GRIA4: variants seen among roughly 807,000 people sequenced by gnomAD.
The protein encoded by GRIA4 is glutamate ionotropic receptor AMPA type subunit 4.
GRIA4 carries 34 observed loss-of-function variants against 104.0 expected under a neutral mutation model. That is an observed-to-expected ratio of 0.33 (90% CI 0.25 to 0.44). GRIA4 has a LOEUF of 0.44. Ranked by LOEUF, GRIA4 falls within the 20% of genes least tolerant of loss-of-function variation. The pLI, the probability that GRIA4 is intolerant of heterozygous loss-of-function variation, is 1.00. For synonymous variants in GRIA4, 386 were observed against 381.9 expected, an observed-to-expected ratio of 1.01 and a Z score of -0.13; for missense variants, 750 against 1,096.5, an observed-to-expected ratio of 0.68 and a Z score of 4.46.
intron 3 of GRIA4, among the ~76,000 whole-genome samples, chr11:105,710,231 G>A (rs1277449770): frequency 6.6e-6 from 1 of 152,064 alleles, no homozygotes; most frequent in Non-Finnish European, 1.5e-5. Context: ...CCTGGGGTCA[G>A]GGTGTGAGAA....
intron 3 of GRIA4, among the ~76,000 whole-genome samples, chr11:105,682,783 T>C (rs966752781): frequency 6.6e-6 from 1 of 152,170 alleles, no homozygotes; most frequent in Non-Finnish European, 1.5e-5. Context: ...CCAATACTAA[T>C]CTCTAGGAAA....
At chr11:105,710,240 A>C (rs2135546636) in intron 3 of GRIA4, among the ~76,000 whole-genome samples, 1 of 152,152 alleles carries the variant, frequency 6.6e-6, no homozygotes, top group Middle Eastern at 3.4e-3. Flanking sequence ...AGGGTGTGAG[A>C]AGTTCTGTTC....
chr11:105,823,398 G>A (rs2135909145), intron 4 of GRIA4, among the ~76,000 whole-genome samples: 1 of 152,094 alleles, frequency 6.6e-6, no homozygotes, highest in South Asian at 2.1e-4. Context: ...AAAACATAAG[G>A]TAATAAGTCA....
chr11:105,751,895 A>G (rs1290124984), intron 3 of GRIA4, among the ~76,000 whole-genome samples: 3 of 152,206 alleles, frequency 2.0e-5, no homozygotes, highest in African/African-American at 7.2e-5. Flanking sequence ...AACTAAAATC[A>G]GAAAACATAA....
At chr11:105,731,707 A>G (rs904164214) in intron 3 of GRIA4, among the ~76,000 whole-genome samples, 20 of 152,284 alleles carry the variant, frequency 1.3e-4, no homozygotes, top group Middle Eastern at 3.4e-3. Context: ...TAAAAAAAGA[A>G]TGAGTTCATG....
chr11:105,817,911 C>T (rs1325255873), intron 4 of GRIA4, among the ~76,000 whole-genome samples: 1 of 151,928 alleles, frequency 6.6e-6, no homozygotes, highest in Non-Finnish European at 1.5e-5. Context: ...GAAAATATGG[C>T]AATCATTTTA....
intron 14 of GRIA4, among the ~76,000 whole-genome samples, chr11:105,967,340 GT>G (rs2136275997): frequency 6.6e-6 from 1 of 152,222 alleles, no homozygotes; most frequent in African/African-American, 2.4e-5. Flanking sequence ...AAAAATCTAT[GT>G]AACAAAAGTC....
intron 3 of GRIA4, among the ~76,000 whole-genome samples, chr11:105,697,877 AAGAG>A (rs34367690): frequency 0.12 from 18,724 of 152,138 alleles, 1,349 homozygotes; most frequent in South Asian, 0.19. Context: ...TCTGGAGTGA[AAGAG>A]AGAGAGCCTA....
chr11:105,915,194 T>C (rs1947364370), intron 10 of GRIA4, among the ~76,000 whole-genome samples: 1 of 152,174 alleles, frequency 6.6e-6, no homozygotes, highest in South Asian at 2.1e-4. Flanking sequence ...CCCACCTCCC[T>C]GGGTGCGATC....
At chr11:105,706,054 G>C (rs528442795) in intron 3 of GRIA4, among the ~76,000 whole-genome samples, 138 of 152,294 alleles carry the variant, frequency 9.1e-4, no homozygotes, top group Middle Eastern at 3.4e-3. Context: ...GCAGTACTAA[G>C]AAACTAGAAC....
chr11:105,978,067 C>G (rs1458033498), intron 16 of GRIA4, among the ~76,000 whole-genome samples: 4 of 151,978 alleles, frequency 2.6e-5, no homozygotes, highest in Non-Finnish European at 5.9e-5. Flanking sequence ...AAAACCTACC[C>G]TTTTTAGTGT....
intron 13 of GRIA4, among the ~76,000 whole-genome samples, chr11:105,932,156 T>G (rs1233086776): frequency 6.6e-6 from 1 of 152,016 alleles, no homozygotes; most frequent in African/African-American, 2.4e-5. Context: ...TTCTTTTTTT[T>G]TAGATGGAGT....
intron 3 of GRIA4, among the ~76,000 whole-genome samples, chr11:105,663,986 A>G (rs2135418595): frequency 6.6e-6 from 1 of 151,332 alleles, no homozygotes; most frequent in Admixed American, 6.6e-5. Context: ...CTACCATGAT[A>G]ATAATATTTA....
rs546397755 is a variant in GRIA4 at position 105,897,017 on chromosome 11, G to T, written c.727-1252G>T. Among the ~76,000 whole-genome samples, 348 of 152,228 alleles carry T rather than the reference G, an allele frequency of 2.3e-3. 1 individual carries two copies. The highest frequency in any genetic ancestry group is 6.9e-3 in the African/African-American group (288 of 41,544). ...TTTTGGGCAATGTAATCATTTTAATGATATTTATTCTTCCTATCCATGAGC... is the reference window on the plus strand; with the variant it reads ...TTTTGGGCAATGTAATCATTTTAATTATATTTATTCTTCCTATCCATGAGC... On this transcript the variant is annotated intron_variant, in intron 6 of 16. Coordinates refer to ENST00000282499, the MANE Select transcript of GRIA4 (RefSeq NM_000829.4).
At chr11:105,783,324 G>A (rs1043831648) in intron 4 of GRIA4, among the ~76,000 whole-genome samples, 4 of 152,216 alleles carry the variant, frequency 2.6e-5, no homozygotes, top group Admixed American at 2.0e-4. Context: ...ACTTGGGAAA[G>A]TTGAAATACA....
chr11:105,629,947 A>G (rs1950989371), intron 3 of GRIA4, among the ~76,000 whole-genome samples: 1 of 152,236 alleles, frequency 6.6e-6, no homozygotes, highest in South Asian at 2.1e-4. Context: ...ATTTGTGATT[A>G]CAAGCATTTG....
chr11:105,721,729 C>T (rs613114), intron 3 of GRIA4, among the ~76,000 whole-genome samples: 2,159 of 152,214 alleles, frequency 0.014, 55 homozygotes, highest in African/African-American at 0.049. Context: ...CTCCCTTCTG[C>T]GTGGAACATT....
chr11:105,953,852 G>A (rs541396930), intron 14 of GRIA4, among the ~76,000 whole-genome samples: 1 of 151,948 alleles, frequency 6.6e-6, no homozygotes, highest in Admixed American at 6.6e-5. Context: ...TCTAATACTT[G>A]TTAGGGAAAG....
At position 105,627,822 on chromosome 11, in the gene GRIA4, C is replaced by G. The variant is rs577921700; in HGVS notation, c.247+15388C>G. On this transcript the variant is annotated intron_variant, in intron 3 of 16. Transcript: ENST00000282499. ...TATGCATAGAGGCAATAAAATCTCCCTACAGATTAATATAGATGCCGATAG... is the reference window on the plus strand; with the variant it reads ...TATGCATAGAGGCAATAAAATCTCCGTACAGATTAATATAGATGCCGATAG... Among the ~76,000 whole-genome samples, 3 of 152,264 alleles carry G rather than the reference C, an allele frequency of 2.0e-5. No individual in the cohort carries two copies. The South Asian group carries it at 6.2e-4, about 32-fold the overall frequency.
Sources: allele counts gnomAD v4.1 joint callset (sites outside exome capture counted in the v4.1 genomes callset), GRCh38; gene constraint gnomAD v4.1.1; transcripts MANE v1.5; gene names NCBI Gene and HGNC (gene_info 2026-07-23, HGNC 2026-07-21).